ITGA9: variants seen among roughly 807,000 people sequenced by gnomAD.
The protein encoded by ITGA9 is integrin subunit alpha 9.
A neutral mutation model predicts 127.8 loss-of-function variants in ITGA9; 56 were observed. The observed-to-expected ratio is 0.44, with a 90% CI of 0.35 to 0.55. The LOEUF is 0.55. Among genes scored for constraint, ITGA9 ranks in the 20% least tolerant of loss-of-function variants. The pLI, the probability that ITGA9 is intolerant of heterozygous loss-of-function variation, is 0.00. For missense variants in ITGA9, 1,196 were observed against 1,347.1 expected (o/e 0.89, Z 1.76); for synonymous variants, 508 against 514.5 (o/e 0.99, Z 0.17).
At chr3:37,611,878 C>A (rs1376462686) in intron 15 of ITGA9, among the ~76,000 whole-genome samples, 1 of 152,126 alleles carries the variant, frequency 6.6e-6, no homozygotes, top group African/African-American at 2.4e-5. Context: ...TCTCTGCGCT[C>A]TTCCCTTCCT....
In ITGA9 at chr3:37,779,995, C is replaced by G; in HGVS notation, c.2761C>G (p.Leu921Val). 1 of 1,613,990 alleles carries G rather than the reference C, an allele frequency of 6.2e-7. No individual in the cohort carries two copies. The highest frequency in any genetic ancestry group is 8.5e-7 in the Non-Finnish European group (1 of 1,179,914). Residue 921 changes from leucine to valine, a missense_variant, in exon 25 of 28, where the codon CTG becomes GTG. Physicochemically the swap from Leu to Val is conservative, Grantham distance 32. Transcript: ENST00000264741. The part of the protein sequence containing the change: ...EESRTIDIYM[L>V]LNTEILKKDS... ...AAGTCGTACTATAGACATTTACATG[C>G]TGCTGAACACAGAAATACTGAAAAA...
chr3:37,562,952 G>T (rs971762716), intron 15 of ITGA9, among the ~76,000 whole-genome samples: 2 of 127,046 alleles, frequency 1.6e-5, no homozygotes, highest in African/African-American at 5.1e-5. Flanking sequence ...AAACCATAAA[G>T]AACTCAGAAA....
chr3:37,532,098 A>G (rs187829250), intron 13 of ITGA9, among the ~76,000 whole-genome samples: 219 of 152,336 alleles, frequency 1.4e-3, no homozygotes, highest in Non-Finnish European at 2.7e-3. Flanking sequence ...CCCAGAAGAA[A>G]ATGGAAAGAC....
In ITGA9 at chr3:37,661,889, C is replaced by T. The variant is rs150765905; in HGVS notation, c.1916+8099C>T. On this transcript the variant is annotated intron_variant, in intron 17 of 27. Coordinates refer to ENST00000264741, the MANE Select transcript of ITGA9 (RefSeq NM_002207.3). ...GAGAGGAATGAGGACTCACGCATTC[C>T]AAGCAGAGGGAAAATGTGAGCAGAA... Among the ~76,000 whole-genome samples the T allele has an allele frequency of 1.6e-3, 240 of 152,224 alleles. 1 individual carries two copies. Among genetic ancestry groups the T allele is most frequent in the Middle Eastern group, 6.8e-3 (2 of 294 alleles).
chr3:37,587,163 A>G (rs1352708767), intron 15 of ITGA9, among the ~76,000 whole-genome samples: 1 of 152,172 alleles, frequency 6.6e-6, no homozygotes, highest in Non-Finnish European at 1.5e-5. Context: ...TTCAAGCCTC[A>G]ATTAATTGAA....
chr3:37,753,038 G>T (rs1267960969), intron 23 of ITGA9, among the ~76,000 whole-genome samples: 4 of 152,160 alleles, frequency 2.6e-5, no homozygotes, highest in Non-Finnish European at 5.9e-5. Flanking sequence ...ACCCACGGGG[G>T]TTGTGTGGAC....
intron 19 of ITGA9, among the ~76,000 whole-genome samples, chr3:37,733,770 T>C (rs1435934762): frequency 7.2e-5 from 11 of 152,054 alleles, no homozygotes; most frequent in East Asian, 5.8e-4. Context: ...GAGAAATAAA[T>C]GTTTAAACCA....
chr3:37,683,766 G>A (rs549889683), intron 17 of ITGA9, 99 bp from the exon 18 acceptor site: 1 of 1,228,676 alleles, frequency 8.1e-7, no homozygotes, highest in East Asian at 2.4e-5. Flanking sequence ...TTGTAGTTCT[G>A]ATCTCGGTTT....
rs1291783171 is a variant in ITGA9 at position 37,822,029 on chromosome 3, C to A, written c.*3040C>A. 6.6e-6 allele frequency: 1 copy of A among 152,070 alleles called. No individual in the cohort carries two copies. The highest frequency in any genetic ancestry group is 1.5e-5 in the Non-Finnish European group (1 of 68,028). 9.4% of individuals were successfully genotyped at this position (152,070 alleles called of 1,614,324 possible). A position where few individuals can be genotyped will look rare whatever the true frequency, so the allele number is the denominator to read the frequency against. On this transcript the variant is annotated 3_prime_UTR_variant, in exon 28 of 28. Transcript: ENST00000264741. Reference sequence around the variant, plus strand: ...CACAAGCTCCTTCCCAGCTCAGAAGCCCTCTCTATGCTCTCAGGGGAAGCA... The same window carrying A: ...CACAAGCTCCTTCCCAGCTCAGAAGACCTCTCTATGCTCTCAGGGGAAGCA...
At chr3:37,667,127 C>T (rs1236999828) in intron 17 of ITGA9, among the ~76,000 whole-genome samples, 1 of 152,078 alleles carries the variant, frequency 6.6e-6, no homozygotes, top group Admixed American at 6.5e-5. Context: ...ATCTCCTGTA[C>T]CCGCTTTCTT....
intron 18 of ITGA9, among the ~76,000 whole-genome samples, chr3:37,690,811 G>C (rs1488879315): frequency 6.6e-6 from 1 of 152,190 alleles, no homozygotes; most frequent in African/African-American, 2.4e-5. Flanking sequence ...TTTGGGAGAT[G>C]CAAGAAATAA....
chr3:37,599,608 G>A (rs1373771118), intron 15 of ITGA9, among the ~76,000 whole-genome samples: 5 of 152,188 alleles, frequency 3.3e-5, no homozygotes, highest in African/African-American at 1.2e-4. Flanking sequence ...TGACACATAT[G>A]TAGGGACAGG....
chr3:37,628,761 TC>T (rs1700200749), intron 15 of ITGA9, among the ~76,000 whole-genome samples: 1 of 152,148 alleles, frequency 6.6e-6, no homozygotes, highest in Non-Finnish European at 1.5e-5. Context: ...GTCTTTGGAT[TC>T]CCTGCCCTAA....
Position 37,749,902 on chromosome 3 carries a change from GA to G in ITGA9, c.2434-559del, listed in dbSNP as rs541604951. On this transcript the variant is annotated intron_variant, in intron 22 of 27. Coordinates refer to ENST00000264741, the MANE Select transcript of ITGA9 (RefSeq NM_002207.3). ...AGTTACCTCAAACTGGCAAAGGAAAGAGGTTGGACCAGATCTGTGGGTCTCA... is the reference window on the plus strand; with the variant it reads ...AGTTACCTCAAACTGGCAAAGGAAAGGGTTGGACCAGATCTGTGGGTCTCA... 2.1e-3 allele frequency among the ~76,000 whole-genome samples: 321 copies of G among 152,286 alleles called. 1 individual carries two copies. Among genetic ancestry groups the G allele is most frequent in the African/African-American group, 7.4e-3 (309 of 41,558 alleles).
chr3:37,546,434 C>T (rs72855872), intron 15 of ITGA9, among the ~76,000 whole-genome samples: 24,102 of 152,186 alleles, frequency 0.16, 2,462 homozygotes, highest in African/African-American at 0.29. Context: ...CATGGAAATC[C>T]ACCTTGTGGG....
rs561135844 is a variant in ITGA9, at chr3:37,625,590, A to G, written c.1690-3597A>G. ...GAACTGCAGAAGCTTCAATTTTAGA[A>G]TTTTCAGTTTGTAGCGTTATTTTTT... On this transcript the variant is annotated intron_variant, in intron 15 of 27. Coordinates refer to ENST00000264741, the MANE Select transcript of ITGA9 (RefSeq NM_002207.3). Among the ~76,000 whole-genome samples, 4 of 152,164 alleles carry G rather than the reference A, an allele frequency of 2.6e-5. 1 individual carries two copies. The highest frequency in any genetic ancestry group is 2.6e-4 in the Admixed American group (4 of 15,298).
At chr3:37,694,148 C>T (rs906413613) in intron 18 of ITGA9, among the ~76,000 whole-genome samples, 3 of 152,210 alleles carry the variant, frequency 2.0e-5, no homozygotes, top group East Asian at 1.9e-4. Flanking sequence ...GAAGCCCACT[C>T]GAGGCTCTAA....
intron 27 of ITGA9, chr3:37,818,457 T>TTC (rs1308065074): frequency 5.3e-6 from 1 of 190,282 alleles, no homozygotes; most frequent in Non-Finnish European, 1.1e-5. Flanking sequence ...GAGACAGGGT[T>TTC]TCACCATGTT....
chr3:37,466,776 G>A (rs573913450), intron 1 of ITGA9, among the ~76,000 whole-genome samples: 67 of 151,384 alleles, frequency 4.4e-4, no homozygotes, highest in African/African-American at 1.4e-3. Flanking sequence ...GACCACACTT[G>A]AAGTAGCAAG....
Sources: gnomAD v4.1 joint callset for allele counts (sites outside exome capture counted in the v4.1 genomes callset) on GRCh38, gnomAD v4.1.1 for gene constraint, MANE v1.5 for transcripts, NCBI Gene and HGNC (gene_info 2026-07-23, HGNC 2026-07-21) for gene names.